PFKP: variants seen among roughly 807,000 people sequenced by gnomAD.
The protein encoded by PFKP is ATP-dependent 6-phosphofructokinase, platelet type.
In PFKP, 101 loss-of-function variants were observed where a neutral mutation model predicts 94.3. That is an observed-to-expected ratio of 1.07 (90% CI 0.91 to 1.26). The LOEUF (loss-of-function observed/expected upper bound fraction) is 1.26. Ranked by LOEUF, PFKP falls within the 50% of genes most tolerant of loss-of-function variation. The probability of loss-of-function intolerance (pLI) is 0.00; values close to 1 mark genes in which losing one functional copy is unlikely to be tolerated. For synonymous variants in PFKP, 573 were observed against 432.6 expected (o/e 1.32, Z -4.03); for missense variants, 1,145 against 1,103.3 (o/e 1.04, Z -0.53).
At chr10:3,102,415 T>A (rs12773602) in intron 4 of PFKP, among the ~76,000 whole-genome samples, 12,097 of 141,916 alleles carry the variant, frequency 0.085, 896 homozygotes, top group East Asian at 0.33. Context: ...GTTTGATTGT[T>A]TGATTTTGTT....
intron 2 of PFKP, among the ~76,000 whole-genome samples, chr10:3,098,336 C>T (rs1452558205): frequency 6.6e-6 from 1 of 152,002 alleles, no homozygotes; most frequent in Non-Finnish European, 1.5e-5. Context: ...ATTTCCTGAT[C>T]TTGTATATTC....
chr10:3,110,949 T>C (rs1052262464), intron 10 of PFKP, among the ~76,000 whole-genome samples: 2 of 151,434 alleles, frequency 1.3e-5, no homozygotes, highest in Admixed American at 1.3e-4. Flanking sequence ...AGGTAGTGTG[T>C]GTGCATGTTA....
At chr10:3,068,512 G>T in intron 1 of PFKP, 1 of 206,396 alleles carries the variant, frequency 4.8e-6, no homozygotes, top group Non-Finnish European at 8.5e-6. Flanking sequence ...CGGGGACTCC[G>T]GGATGTCAGC....
At chr10:3,103,735 G>C (rs749232020) in intron 4 of PFKP, 44 bp from the exon 5 acceptor site, 1 of 1,608,476 alleles carries the variant, frequency 6.2e-7, no homozygotes, top group Non-Finnish European at 8.5e-7. Context: ...CCCCGAACGC[G>C]CCATGGTTAC....
intron 2 of PFKP, among the ~76,000 whole-genome samples, chr10:3,088,330 C>G (rs933850585): frequency 2.0e-5 from 3 of 150,868 alleles, no homozygotes; most frequent in South Asian, 4.2e-4. Flanking sequence ...TGAACTCATC[C>G]TTTTTTAATG....
chr10:3,107,395 A>G (rs2131577482), intron 8 of PFKP, 86 bp downstream of exon 8: 1 of 763,990 alleles, frequency 1.3e-6, no homozygotes, highest in East Asian at 2.6e-5. Flanking sequence ...GGTTTAGAAC[A>G]TTGAATTATT....
intron 16 of PFKP, among the ~76,000 whole-genome samples, chr10:3,122,092 G>A (rs1837491319): frequency 6.6e-6 from 1 of 152,062 alleles, no homozygotes; most frequent in African/African-American, 2.4e-5. Context: ...CAAAGCACAG[G>A]GGTTACAGGG....
intron 2 of PFKP, among the ~76,000 whole-genome samples, chr10:3,087,984 CTTTTTT>C (rs1224829610): frequency 1.1e-4 from 11 of 96,622 alleles, no homozygotes; most frequent in African/African-American, 4.3e-4. Context: ...ATCTTTCATT[CTTTTTT>C]TTTTTTTTTT....
intron 4 of PFKP, among the ~76,000 whole-genome samples, chr10:3,102,495 C>T (rs1449020168): frequency 6.6e-6 from 1 of 151,946 alleles, no homozygotes; most frequent in Non-Finnish European, 1.5e-5. Context: ...CTCACTGCAA[C>T]ATCTGCCTCC....
intron 16 of PFKP, among the ~76,000 whole-genome samples, chr10:3,127,458 G>T (rs1370094961): frequency 1.3e-5 from 2 of 151,962 alleles, no homozygotes; most frequent in Non-Finnish European, 2.9e-5. Flanking sequence ...CCTCAGGGTG[G>T]GCTGCGGGGG....
At chr10:3,130,886 CTTGTTTCTG>C (rs879658506) in intron 17 of PFKP, among the ~76,000 whole-genome samples, 36,372 of 151,850 alleles carry the variant, frequency 0.24, 4,375 homozygotes, top group East Asian at 0.3. Context: ...TAGGATGTTA[CTTGTTTCTG>C]AGCCAAATAG....
intron 1 of PFKP, among the ~76,000 whole-genome samples, chr10:3,079,198 C>T (rs1259512264): frequency 6.6e-6 from 1 of 151,970 alleles, no homozygotes; most frequent in Non-Finnish European, 1.5e-5. Flanking sequence ...CATTTTTACT[C>T]TGCACAGGAG....
In PFKP at chr10:3,135,743, A is replaced by G; in HGVS notation, c.2130A>G (p.Lys710=). ...KLKEARGRGK[K]FTTDDSICVL... is the part of the protein sequence containing the mutation. ...TTTTAAAATCTTTTATAGGAAAAAA[A>G]TTTACCACCGATGATTCCATTTGTG... The change falls in exon 21 of 22, where the codon AAA becomes AAG. Residue 710 remains lysine, a synonymous_variant. Coordinates refer to ENST00000381125, the MANE Select transcript of PFKP (RefSeq NM_002627.5). 6.2e-7 allele frequency: 1 copy of G among 1,605,964 alleles called. No individual in the cohort carries two copies. The highest frequency in any genetic ancestry group is 8.5e-7 in the Non-Finnish European group (1 of 1,173,714).
At chr10:3,121,393 C>T (rs9423467) in intron 16 of PFKP, among the ~76,000 whole-genome samples, 15,016 of 152,160 alleles carry the variant, frequency 0.099, 787 homozygotes, top group Middle Eastern at 0.15. Flanking sequence ...ACTGCTCTTT[C>T]GCCTGCTTTA....
chr10:3,099,158 G>T, intron 2 of PFKP, 117 bp from the exon 3 acceptor site: 1 of 799,238 alleles, frequency 1.3e-6, no homozygotes. Context: ...CTTCTGACCA[G>T]TGGATGCTGA....
In PFKP at chr10:3,116,794, A is replaced by G. The variant is rs777987198; in HGVS notation, c.1390A>G (p.Thr464Ala). Residue 464 changes from threonine (T) to alanine (A), a missense_variant, in exon 14 of 22, where the codon ACA becomes GCA. Coordinates refer to ENST00000381125, the MANE Select transcript of PFKP (RefSeq NM_002627.5). Reference sequence around the variant, plus strand: ...ACATTAGATCAAAGAAATCGGCTGGACAGATGTCGGGGGCTGGACCGGCCA... The same window carrying G: ...ACATTAGATCAAAGAAATCGGCTGGGCAGATGTCGGGGGCTGGACCGGCCA... ...AKGQIKEIGWTDVGGWTGQGG... is the reference protein window; with the variant it reads ...AKGQIKEIGWADVGGWTGQGG... 9.9e-6 allele frequency: 16 copies of G among 1,613,668 alleles called. No homozygotes were observed. The African/African-American group carries it at 2.1e-4, about 22-fold the overall frequency.
At chr10:3,125,596 G>GTGTA (rs139109982) in intron 16 of PFKP, among the ~76,000 whole-genome samples, 13,865 of 152,164 alleles carry the variant, frequency 0.091, 709 homozygotes, top group African/African-American at 0.13. Flanking sequence ...GCAGGAAGGG[G>GTGTA]TGTAAATGCC....
chr10:3,072,134 C>G (rs1461757429), intron 1 of PFKP, among the ~76,000 whole-genome samples: 2 of 152,266 alleles, frequency 1.3e-5, no homozygotes, highest in African/African-American at 4.8e-5. Context: ...TTCTAGCTGT[C>G]TTCTTCGTCC....
Position 3,080,696 on chromosome 10 carries a change from G to GT in PFKP, c.113-1684dup, listed in dbSNP as rs145524879. Among the ~76,000 whole-genome samples the GT allele has an allele frequency of 9.6e-3, 1,442 of 150,442 alleles. 27 individuals are homozygous for GT. Among genetic ancestry groups the GT allele is most frequent in the African/African-American group, 0.033 (1,339 of 39,984 alleles). ...GGCTCTTGTGGCTGTTACTTCATTT[G>GT]TTTTTTTTCTAAACAAGAAGAATAT... On this transcript the variant is annotated intron_variant, in intron 1 of 21. Transcript: ENST00000381125.
Sources: gnomAD v4.1 joint callset for allele counts (sites outside exome capture counted in the v4.1 genomes callset) on GRCh38, gnomAD v4.1.1 for gene constraint, MANE v1.5 for transcripts, NCBI Gene and HGNC (gene_info 2026-07-23, HGNC 2026-07-21) for gene names.